The following ZMIZ1 variants were observed in gnomAD, a reference collection of about 807,000 sequenced individuals.
The protein encoded by ZMIZ1 is zinc finger MIZ-type containing 1.
ZMIZ1 carries 17 observed loss-of-function variants against 113.9 expected under a neutral mutation model. The ratio of observed to expected loss-of-function variants is 0.15; its 90% CI spans 0.10 to 0.22. The LOEUF (loss-of-function observed/expected upper bound fraction) is 0.22, where lower values mean the gene tolerates loss of function less well. Among genes scored for constraint, ZMIZ1 ranks in the 10% least tolerant of loss-of-function variants. The pLI, the probability that ZMIZ1 is intolerant of heterozygous loss-of-function variation, is 1.00. For synonymous variants in ZMIZ1, 607 were observed against 603.1 expected (o/e 1.01, Z -0.09); for missense variants, 1,059 against 1,477.8 (o/e 0.72, Z 4.65).
At chr10:79,310,259 G>A (rs1855032820) in intron 23 of ZMIZ1, among the ~76,000 whole-genome samples, 1 of 152,190 alleles carries the variant, frequency 6.6e-6, no homozygotes, top group Admixed American at 6.5e-5. Flanking sequence ...GGGTCTGGCA[G>A]GGTGTGAAGA....
intron 7 of ZMIZ1, among the ~76,000 whole-genome samples, chr10:79,221,505 T>A (rs1848970677): frequency 1.3e-5 from 2 of 152,182 alleles, no homozygotes; most frequent in African/African-American, 4.8e-5. Context: ...GGCATCCTGA[T>A]GCTCCCTTGA....
intron 4 of ZMIZ1, among the ~76,000 whole-genome samples, chr10:79,166,252 T>C (rs1846343376): frequency 6.6e-6 from 1 of 152,220 alleles, no homozygotes; most frequent in Non-Finnish European, 1.5e-5. Context: ...GCAGCACGGC[T>C]GCACCATGCC....
intron 1 of ZMIZ1, among the ~76,000 whole-genome samples, chr10:79,079,402 G>A (rs945485295): frequency 6.6e-6 from 1 of 152,234 alleles, no homozygotes; most frequent in Non-Finnish European, 1.5e-5. Context: ...AAACAGTGTC[G>A]AAACTATAGC....
chr10:79,261,403 G>A (rs373714438), intron 7 of ZMIZ1, among the ~76,000 whole-genome samples: 6 of 152,226 alleles, frequency 3.9e-5, no homozygotes, highest in Admixed American at 3.3e-4. Context: ...AGGCGCTGGA[G>A]GGGGAGGAGG....
At chr10:79,255,118 GT>G (rs1389967467) in intron 7 of ZMIZ1, among the ~76,000 whole-genome samples, 1 of 152,210 alleles carries the variant, frequency 6.6e-6, no homozygotes, top group African/African-American at 2.4e-5. Flanking sequence ...CCTTGAGGAG[GT>G]TCGGGTTTCT....
chr10:79,256,848 A>C (rs1427745682), intron 7 of ZMIZ1, among the ~76,000 whole-genome samples: 1 of 152,182 alleles, frequency 6.6e-6, no homozygotes, highest in African/African-American at 2.4e-5. Flanking sequence ...CCTCACAGAA[A>C]GGTTTGTGCA....
intron 1 of ZMIZ1, among the ~76,000 whole-genome samples, chr10:79,097,474 T>TGTTTATTTACTTTGGGCCTTGCTCAA (rs2132249080): frequency 6.6e-6 from 1 of 152,332 alleles, no homozygotes; most frequent in Non-Finnish European, 1.5e-5. Context: ...CTGCAACCTT[T>TGTTTATTTACTTTGGGCCTTGCTCAA]GTTTATTTAC....
intron 7 of ZMIZ1, among the ~76,000 whole-genome samples, chr10:79,236,510 C>G (rs879720741): frequency 4.6e-5 from 7 of 152,284 alleles, no homozygotes; most frequent in African/African-American, 1.7e-4. Flanking sequence ...CTGCCGTTGC[C>G]GTCTCTTCCC....
In ZMIZ1 at chr10:79,292,816, G is replaced by T. The variant is rs778113440; in HGVS notation, c.957+460G>T. ...TGCTCCCTGACCTTCTGAAGGATGG[G>T]TTAGGGGATGAGGAGAGGGGAGCCC... On this transcript the variant is annotated intron_variant, in intron 11 of 24. Transcript: ENST00000334512. 54 of 462,826 alleles carry T rather than the reference G, an allele frequency of 1.2e-4. 1 individual carries two copies. Among genetic ancestry groups the T allele is most frequent in the South Asian group, 8.0e-4 (52 of 64,636 alleles). The allele number at this position is 462,826 out of a possible 1,614,324, so 28.7% of individuals were successfully genotyped here.
chr10:79,137,059 T>C (rs1845040923), intron 2 of ZMIZ1, among the ~76,000 whole-genome samples: 1 of 152,228 alleles, frequency 6.6e-6, no homozygotes, highest in African/African-American at 2.4e-5. Flanking sequence ...ATTCTAAATA[T>C]ATATTTGTAA....
At chr10:79,241,011 C>T (rs765608027) in intron 7 of ZMIZ1, among the ~76,000 whole-genome samples, 2 of 152,154 alleles carry the variant, frequency 1.3e-5, no homozygotes, top group Non-Finnish European at 2.9e-5. Flanking sequence ...TTTGGTGGCT[C>T]AGAAAGCACT....
At chr10:79,187,830 G>A (rs1451862940) in intron 4 of ZMIZ1, among the ~76,000 whole-genome samples, 3 of 152,174 alleles carry the variant, frequency 2.0e-5, no homozygotes, top group African/African-American at 7.2e-5. Flanking sequence ...CTCCCTCTGG[G>A]CAGCCGGAAC....
chr10:79,257,863 G>A (rs910651333), intron 7 of ZMIZ1, among the ~76,000 whole-genome samples: 1 of 152,204 alleles, frequency 6.6e-6, no homozygotes, highest in African/African-American at 2.4e-5. Flanking sequence ...TTGAGTCCAG[G>A]GCTCTTCAGA....
At chr10:79,262,062 G>A (rs1265778821) in intron 7 of ZMIZ1, among the ~76,000 whole-genome samples, 2 of 152,214 alleles carry the variant, frequency 1.3e-5, no homozygotes, top group Admixed American at 1.3e-4. Context: ...CCAAGCACAT[G>A]CTTCTGCTGG....
chr10:79,242,944 G>A (rs1849932144), intron 7 of ZMIZ1, among the ~76,000 whole-genome samples: 1 of 151,552 alleles, frequency 6.6e-6, no homozygotes, highest in South Asian at 2.1e-4. Flanking sequence ...CAGCGAAGTG[G>A]CTGGGCTGAC....
chr10:79,129,798 T>C (rs1374737703), intron 2 of ZMIZ1, among the ~76,000 whole-genome samples: 1 of 152,158 alleles, frequency 6.6e-6, no homozygotes, highest in Non-Finnish European at 1.5e-5. Flanking sequence ...GCCTGAGCAG[T>C]TGGGAGGGAT....
At chr10:79,217,625 CGTT>C (rs1292614828) in intron 7 of ZMIZ1, among the ~76,000 whole-genome samples, 1 of 152,276 alleles carries the variant, frequency 6.6e-6, no homozygotes, top group Non-Finnish European at 1.5e-5. Context: ...TTCATGAAAA[CGTT>C]GTAAGGACAT....
intron 8 of ZMIZ1, among the ~76,000 whole-genome samples, chr10:79,288,694 C>A (rs1853258538): frequency 1.3e-5 from 2 of 152,170 alleles, no homozygotes; most frequent in African/African-American, 4.8e-5. Context: ...GCAGCTTCAT[C>A]CCCAGCCTCC....
chr10:79,272,399 G>A (rs1852003141), intron 7 of ZMIZ1, among the ~76,000 whole-genome samples: 1 of 152,248 alleles, frequency 6.6e-6, no homozygotes, highest in South Asian at 2.1e-4. Flanking sequence ...TAGGTGTGAA[G>A]GGAATGAGGT....
Sources: gnomAD v4.1 joint callset for allele counts (sites outside exome capture counted in the v4.1 genomes callset) on GRCh38, gnomAD v4.1.1 for gene constraint, MANE v1.5 for transcripts, NCBI Gene and HGNC (gene_info 2026-07-23, HGNC 2026-07-21) for gene names.